CREBBP: variants seen among roughly 807,000 people sequenced by gnomAD.
CREBBP encodes CREB binding lysine acetyltransferase.
In CREBBP, 19 loss-of-function variants were observed where a neutral mutation model predicts 265.0. The observed-to-expected ratio is 0.07, with a 90% confidence interval of 0.05 to 0.11. The LOEUF (loss-of-function observed/expected upper bound fraction) is 0.11. Among genes scored for constraint, CREBBP ranks in the 10% least tolerant of loss-of-function variants. The pLI, the probability that CREBBP is intolerant of heterozygous loss-of-function variation, is 1.00. For missense variants in CREBBP, 2,525 were observed against 3,219.0 expected, an observed-to-expected ratio of 0.78 and a Z score of 5.22; for synonymous variants, 1,457 against 1,223.7, an observed-to-expected ratio of 1.19 and a Z score of -3.98.
intron 15 of CREBBP, among the ~76,000 whole-genome samples, chr16:3,768,752 A>G (rs1299783679): frequency 6.6e-6 from 1 of 152,120 alleles, no homozygotes; most frequent in East Asian, 1.9e-4. Flanking sequence ...CAATTTCCTG[A>G]TTTTTAAGGT....
At chr16:3,755,318 C>G (rs903778831) in intron 19 of CREBBP, among the ~76,000 whole-genome samples, 2 of 152,140 alleles carry the variant, frequency 1.3e-5, no homozygotes, top group African/African-American at 4.8e-5. Flanking sequence ...ACCAACGGAC[C>G]CAGGAACAGG....
intron 20 of CREBBP, among the ~76,000 whole-genome samples, chr16:3,751,307 C>G (rs1484748605): frequency 6.6e-6 from 1 of 152,018 alleles, no homozygotes. Flanking sequence ...TAATATGAAA[C>G]AAACCCCACA....
intron 2 of CREBBP, among the ~76,000 whole-genome samples, chr16:3,832,678 A>T (rs2054366319): frequency 2.0e-5 from 3 of 152,212 alleles, no homozygotes; most frequent in Admixed American, 2.0e-4. Flanking sequence ...GTAAAAATAT[A>T]TTATAGTCTT....
chr16:3,794,813 T>C (rs1052469764), intron 3 of CREBBP, among the ~76,000 whole-genome samples: 3 of 152,206 alleles, frequency 2.0e-5, no homozygotes, highest in Non-Finnish European at 2.9e-5. Flanking sequence ...AAGAGAAGTG[T>C]TCCTAATGTG....
At chr16:3,736,332 C>G (rs1422095989) in intron 27 of CREBBP, 129 bp from the exon 28 acceptor site, 2 of 984,812 alleles carry the variant, frequency 2.0e-6, no homozygotes, top group African/African-American at 3.2e-5. Flanking sequence ...TGTGCCCCCC[C>G]ACCACAGTGC....
intron 2 of CREBBP, among the ~76,000 whole-genome samples, chr16:3,826,321 C>A (rs1420302512): frequency 6.6e-6 from 1 of 152,164 alleles, no homozygotes; most frequent in African/African-American, 2.4e-5. Context: ...ATCTCCCACA[C>A]TGAAGAAGTC....
intron 20 of CREBBP, 109 bp downstream of exon 20, chr16:3,751,617 A>T: frequency 9.0e-7 from 1 of 1,112,696 alleles, no homozygotes; most frequent in Non-Finnish European, 1.4e-6. Flanking sequence ...AAAACATTGC[A>T]AGGAAGTCAA....
chr16:3,822,103 C>T (rs980774363), intron 2 of CREBBP, among the ~76,000 whole-genome samples: 1 of 152,188 alleles, frequency 6.6e-6, no homozygotes, highest in African/African-American at 2.4e-5. Context: ...TTAATTTACA[C>T]TGCAATCCAA....
intron 28 of CREBBP, among the ~76,000 whole-genome samples, chr16:3,732,188 C>T (rs1204439104): frequency 1.3e-5 from 2 of 152,238 alleles, no homozygotes; most frequent in African/African-American, 4.8e-5. Context: ...AAAAGAGACC[C>T]AGAGTGCGAG....
At position 3,728,852 on chromosome 16, in the gene CREBBP, G is replaced by T. The variant is rs374150949; in HGVS notation, c.6195C>A (p.Ser2065Arg). The change falls in exon 31 of 31, where the codon AGC becomes AGA. Residue 2065 changes from serine to arginine, a missense_variant. Ser to Arg is a moderately radical substitution (Grantham distance 110). Around this residue, in one of 19 missense-constraint regions of CREBBP, gnomAD observed 275 missense variants for 276.5 expected, o/e 0.99. Transcript: ENST00000262367. This position sits in a 1 kb window ranked among gnomAD's most constrained non-coding sequence, Gnocchi z 8.7. The stretch of plus-strand genomic sequence containing the variant: ...GGGTCCGCAGCAGGTCTTGCAGAGC[G>T]CTGGGTGAGATGCTCCTGGGTGGCT... ...SVQPPRSISPSALQDLLRTLK... is the reference protein window; with the variant it reads ...SVQPPRSISPRALQDLLRTLK... 1 of 1,613,154 alleles carries T rather than the reference G, an allele frequency of 6.2e-7. No homozygotes were observed.
intron 16 of CREBBP, among the ~76,000 whole-genome samples, chr16:3,760,223 C>T (rs764303305): frequency 1.3e-5 from 2 of 151,850 alleles, no homozygotes; most frequent in Non-Finnish European, 2.9e-5. Context: ...TCAGGAGTAA[C>T]TGGGACTACA....
At chr16:3,856,150 G>C (rs1282595023) in intron 1 of CREBBP, among the ~76,000 whole-genome samples, 3 of 152,078 alleles carry the variant, frequency 2.0e-5, no homozygotes, top group African/African-American at 7.3e-5. Flanking sequence ...TTATGTTTTA[G>C]AGATAGGGTC....
intron 3 of CREBBP, among the ~76,000 whole-genome samples, chr16:3,797,785 A>C (rs1469027796): frequency 6.6e-6 from 1 of 152,184 alleles, no homozygotes; most frequent in African/African-American, 2.4e-5. Flanking sequence ...TAAAAAAAAA[A>C]AAATTCACAT....
At chr16:3,849,423 GT>G (rs1276520331) in intron 2 of CREBBP, among the ~76,000 whole-genome samples, 344 of 9,766 alleles carry the variant, frequency 0.035, no homozygotes, top group East Asian at 0.1. Context: ...GTGTGTGTGT[GT>G]GTGTGTGTGT....
intron 2 of CREBBP, among the ~76,000 whole-genome samples, chr16:3,825,577 C>CA (rs2054221243): frequency 6.6e-6 from 1 of 151,824 alleles, no homozygotes; most frequent in African/African-American, 2.4e-5. Context: ...AAAAGGGGTT[C>CA]AGTCCTCTTC....
chr16:3,854,422 T>C (rs1232648946), intron 1 of CREBBP, among the ~76,000 whole-genome samples: 1 of 152,242 alleles, frequency 6.6e-6, no homozygotes, highest in African/African-American at 2.4e-5. Context: ...GGAGATCATC[T>C]CTGAACTGCT....
chr16:3,743,730 A>G (rs1417174170), intron 23 of CREBBP: 2 of 151,996 alleles, frequency 1.3e-5, no homozygotes, highest in African/African-American at 4.8e-5. Flanking sequence ...TTGAGAATTG[A>G]CTCTATAAAG....
At chr16:3,757,771 C>G (rs751550736) in intron 18 of CREBBP, 38 bp downstream of exon 18, 1 of 1,611,732 alleles carries the variant, frequency 6.2e-7, no homozygotes, top group Non-Finnish European at 8.5e-7. Flanking sequence ...CTGGATTAAC[C>G]AGGAAAATTC....
chr16:3,789,155 T>C (rs1406141766), intron 5 of CREBBP, among the ~76,000 whole-genome samples: 7 of 152,162 alleles, frequency 4.6e-5, no homozygotes, highest in Non-Finnish European at 1.0e-4. Flanking sequence ...CGCTGGCCTG[T>C]GGGAAACACT....
Sources: allele counts gnomAD v4.1 joint callset (sites outside exome capture counted in the v4.1 genomes callset), GRCh38; gene constraint gnomAD v4.1.1; regional missense constraint gnomAD v4.1.1; non-coding constraint Gnocchi (gnomAD v3.1); transcripts MANE v1.5; gene names NCBI Gene and HGNC (gene_info 2026-07-23, HGNC 2026-07-21).